Variants in MAP2K1 observed in about 807,000 individuals in gnomAD.
MAP2K1 encodes the protein mitogen-activated protein kinase kinase 1.
In MAP2K1, 16 loss-of-function variants were observed where a neutral mutation model predicts 46.3. The ratio of observed to expected loss-of-function variants is 0.35; its 90% CI spans 0.23 to 0.52. The LOEUF (loss-of-function observed/expected upper bound fraction) is 0.52. Among genes scored for constraint, MAP2K1 ranks in the 20% least tolerant of loss-of-function variants. MAP2K1 has a pLI of 0.94. For synonymous variants in MAP2K1, 183 were observed against 185.6 expected (o/e 0.99, Z 0.11); for missense variants, 263 against 497.1 (o/e 0.53, Z 4.48).
At chr15:66,408,677 C>T (rs200333518) in intron 1 of MAP2K1, among the ~76,000 whole-genome samples, 15 of 152,008 alleles carry the variant, frequency 9.9e-5, no homozygotes, top group African/African-American at 1.2e-4. Context: ...TGGGGATCAG[C>T]GCATGGTTCA....
intron 5 of MAP2K1, among the ~76,000 whole-genome samples, chr15:66,459,877 T>G (rs1892273463): frequency 6.6e-6 from 1 of 152,226 alleles, no homozygotes; most frequent in Admixed American, 6.5e-5. Flanking sequence ...TGGTTTCTTC[T>G]GCAATTTTTG....
intron 1 of MAP2K1, among the ~76,000 whole-genome samples, chr15:66,401,404 A>G (rs2093381271): frequency 6.6e-6 from 1 of 152,142 alleles, no homozygotes; most frequent in Non-Finnish European, 1.5e-5. Flanking sequence ...TGATAGTTTA[A>G]TAGGCAGTTT....
chr15:66,427,317 T>C (rs1471485383), intron 1 of MAP2K1, among the ~76,000 whole-genome samples: 1 of 152,138 alleles, frequency 6.6e-6, no homozygotes, highest in Non-Finnish European at 1.5e-5. Flanking sequence ...CCCAGCACTT[T>C]AGGAGGCCGA....
At chr15:66,396,020 G>C (rs529007242) in intron 1 of MAP2K1, among the ~76,000 whole-genome samples, 138 of 151,764 alleles carry the variant, frequency 9.1e-4, no homozygotes, top group Non-Finnish European at 1.8e-3. Flanking sequence ...GTTTTGTTTT[G>C]TTTTTGGAGA....
chr15:66,484,864 C>A, intron 6 of MAP2K1, 126 bp from the exon 7 acceptor site: 2 of 879,046 alleles, frequency 2.3e-6, no homozygotes, highest in Admixed American at 1.7e-5. Context: ...AGGCCAAATT[C>A]AAGAGGTTAG....
At chr15:66,399,635 C>T (rs933507960) in intron 1 of MAP2K1, among the ~76,000 whole-genome samples, 3 of 152,022 alleles carry the variant, frequency 2.0e-5, no homozygotes, top group African/African-American at 7.2e-5. Flanking sequence ...TTTTCACTCT[C>T]GCCCAGGCTG....
chr15:66,392,956 C>T (rs2093360141), intron 1 of MAP2K1, among the ~76,000 whole-genome samples: 1 of 152,116 alleles, frequency 6.6e-6, no homozygotes, highest in Non-Finnish European at 1.5e-5. Flanking sequence ...GTCATGTTTG[C>T]CTGCCACATT....
chr15:66,419,690 C>T (rs1210627556), intron 1 of MAP2K1, among the ~76,000 whole-genome samples: 1 of 152,050 alleles, frequency 6.6e-6, no homozygotes, highest in Non-Finnish European at 1.5e-5. Flanking sequence ...GTCCTCATGA[C>T]TCCAGAGGCT....
At chr15:66,487,364 T>C (rs1162429577) in intron 8 of MAP2K1, 72 bp downstream of exon 8, 1 of 1,425,922 alleles carries the variant, frequency 7.0e-7, no homozygotes, top group Non-Finnish European at 9.9e-7. Flanking sequence ...GGTGGCCGGG[T>C]GCAGTGGTTC....
chr15:66,409,825 TG>T (rs2093406957), intron 1 of MAP2K1, among the ~76,000 whole-genome samples: 1 of 152,242 alleles, frequency 6.6e-6, no homozygotes, highest in South Asian at 2.1e-4. Flanking sequence ...AGGCTATTTC[TG>T]GGCCCAGGAT....
intron 5 of MAP2K1, among the ~76,000 whole-genome samples, chr15:66,479,059 C>G (rs1400694529): frequency 6.6e-6 from 1 of 151,292 alleles, no homozygotes; most frequent in Non-Finnish European, 1.5e-5. Context: ...TGCTGTGTGA[C>G]TTTGAACAAG....
At chr15:66,429,829 A>G (rs1018286931) in intron 1 of MAP2K1, among the ~76,000 whole-genome samples, 1 of 151,782 alleles carries the variant, frequency 6.6e-6, no homozygotes, top group Non-Finnish European at 1.5e-5. Flanking sequence ...TCAGCCATCC[A>G]TGGTTTGACT....
At chr15:66,479,398 G>A (rs1256675945) in intron 5 of MAP2K1, among the ~76,000 whole-genome samples, 2 of 152,128 alleles carry the variant, frequency 1.3e-5, no homozygotes, top group Non-Finnish European at 2.9e-5. Flanking sequence ...ATATCCTGCT[G>A]GGCCTTAGAC....
intron 3 of MAP2K1, among the ~76,000 whole-genome samples, chr15:66,438,235 C>T (rs56119326): frequency 0.056 from 8,521 of 151,636 alleles, 345 homozygotes; most frequent in Middle Eastern, 0.11. Context: ...TACAGGTGCG[C>T]ACCACCACGC....
intron 5 of MAP2K1, among the ~76,000 whole-genome samples, chr15:66,449,428 G>A (rs756489008): frequency 1.1e-4 from 16 of 152,174 alleles, no homozygotes; most frequent in Non-Finnish European, 2.2e-4. Context: ...GTAACATATA[G>A]CAGATGAGTG....
intron 1 of MAP2K1, among the ~76,000 whole-genome samples, chr15:66,403,564 G>C (rs1270156824): frequency 6.6e-6 from 1 of 152,072 alleles, no homozygotes; most frequent in East Asian, 1.9e-4. Flanking sequence ...TTACCAGAAG[G>C]GTTCAGAATC....
At chr15:66,468,868 TTGCAGTGAGCTGAGTCTGTGCCAC>T (rs201348294) in intron 5 of MAP2K1, among the ~76,000 whole-genome samples, 30,684 of 150,056 alleles carry the variant, frequency 0.2, 3,669 homozygotes, top group South Asian at 0.32. Context: ...GAGGCGGAGG[TTGCAGTGAGCTGAGTCTGTGCCAC>T]TGCAGTGAGC....
At chr15:66,480,345 C>T (rs549854922) in intron 5 of MAP2K1, among the ~76,000 whole-genome samples, 32 of 152,272 alleles carry the variant, frequency 2.1e-4, no homozygotes, top group African/African-American at 6.5e-4. Flanking sequence ...CTGCCTTGGC[C>T]TCCCAAAGTG....
Position 66,481,681 on chromosome 15 carries a change from G to A in MAP2K1, c.569-74G>A, listed in dbSNP as rs1011636806. 7 of 1,561,534 alleles carry A rather than the reference G, an allele frequency of 4.5e-6. No individual in the cohort carries two copies. In the East Asian group the frequency reaches 6.8e-5, roughly 15 times the overall value. On this transcript the variant is annotated intron_variant, in intron 5 of 10. Coordinates refer to ENST00000307102, the MANE Select transcript of MAP2K1 (RefSeq NM_002755.4). The stretch of plus-strand genomic sequence containing the variant: ...GGACTCGTGGTCAGGGCTGGTCTGT[G>A]TGGAATGCTGATCCTTCTCTTCCCC...
Sources: allele counts gnomAD v4.1 joint callset (sites outside exome capture counted in the v4.1 genomes callset), GRCh38; gene constraint gnomAD v4.1.1; transcripts MANE v1.5; gene names NCBI Gene and HGNC (gene_info 2026-07-23, HGNC 2026-07-21).